Variants in STEAP1B observed in about 807,000 individuals in gnomAD.
The protein encoded by STEAP1B is STEAP family member 1B.
STEAP1B carries 13 observed loss-of-function variants against 27.9 expected under a neutral mutation model. The observed-to-expected ratio is 0.47, with a 90% confidence interval of 0.30 to 0.74. The LOEUF (loss-of-function observed/expected upper bound fraction) is 0.74, where lower values mean the gene tolerates loss of function less well. STEAP1B is among the 30% of genes least tolerant of loss of function. The pLI, the probability that STEAP1B is intolerant of heterozygous loss-of-function variation, is 0.06. For synonymous variants in STEAP1B, 86 were observed against 107.1 expected (o/e 0.80, Z 1.22); for missense variants, 250 against 298.7 (o/e 0.84, Z 1.20).
chr7:22,467,079 G>T (rs1785798524), intron 4 of STEAP1B, among the ~76,000 whole-genome samples: 1 of 152,144 alleles, frequency 6.6e-6, no homozygotes. Flanking sequence ...ATAATTGAAG[G>T]TTGTTCCAAT....
chr7:22,471,825 C>A (rs571296691), intron 4 of STEAP1B, among the ~76,000 whole-genome samples: 1 of 148,542 alleles, frequency 6.7e-6, no homozygotes, highest in Admixed American at 6.8e-5. Flanking sequence ...ATGGCTTGAG[C>A]CTAGGAATTT....
At chr7:22,469,744 A>T (rs1009161306) in intron 4 of STEAP1B, among the ~76,000 whole-genome samples, 1 of 152,198 alleles carries the variant, frequency 6.6e-6, no homozygotes, top group Non-Finnish European at 1.5e-5. Flanking sequence ...GCGTAAGTAC[A>T]CTCTACAATG....
At chr7:22,437,835 C>T (rs561727699) in intron 4 of STEAP1B, among the ~76,000 whole-genome samples, 3 of 152,278 alleles carry the variant, frequency 2.0e-5, no homozygotes, top group East Asian at 1.9e-4. Flanking sequence ...TTTTAATTTG[C>T]GTAACTCTGA....
intron 4 of STEAP1B, among the ~76,000 whole-genome samples, chr7:22,448,669 T>C (rs1785442291): frequency 6.6e-6 from 1 of 152,162 alleles, no homozygotes; most frequent in African/African-American, 2.4e-5. Flanking sequence ...AGGAGAGGTA[T>C]ACTTTTTTTT....
chr7:22,468,532 C>T (rs532012420), intron 4 of STEAP1B, among the ~76,000 whole-genome samples: 15 of 152,294 alleles, frequency 9.8e-5, no homozygotes, highest in Middle Eastern at 3.4e-3. Context: ...ACACTGCCTA[C>T]CATTTATCAC....
At chr7:22,422,086 T>C (rs1373997003) in intron 4 of STEAP1B, among the ~76,000 whole-genome samples, 2 of 152,268 alleles carry the variant, frequency 1.3e-5, no homozygotes, top group Non-Finnish European at 2.9e-5. Flanking sequence ...TATTCTCTTA[T>C]TCAACTGTGT....
At chr7:22,448,198 G>A (rs1785435920) in intron 4 of STEAP1B, among the ~76,000 whole-genome samples, 1 of 152,098 alleles carries the variant, frequency 6.6e-6, no homozygotes, top group Non-Finnish European at 1.5e-5. Flanking sequence ...CCCTTCCCGT[G>A]TTAAAATAGT....
chr7:22,434,183 C>T (rs1785225724), intron 4 of STEAP1B, among the ~76,000 whole-genome samples: 1 of 152,208 alleles, frequency 6.6e-6, no homozygotes, highest in Non-Finnish European at 1.5e-5. Flanking sequence ...AGATAAGCAT[C>T]CCAGGGTTCT....
intron 4 of STEAP1B, among the ~76,000 whole-genome samples, chr7:22,462,303 C>T (rs1785692035): frequency 6.7e-6 from 1 of 148,846 alleles, no homozygotes; most frequent in African/African-American, 2.5e-5. Context: ...CATATGTATA[C>T]ATGTGCCATG....
intron 4 of STEAP1B, among the ~76,000 whole-genome samples, chr7:22,492,117 G>A (rs1167937005): frequency 4.0e-5 from 6 of 151,592 alleles, no homozygotes; most frequent in Admixed American, 2.6e-4. Flanking sequence ...TCAGGAGATC[G>A]AGACCATCCT....
intron 4 of STEAP1B, among the ~76,000 whole-genome samples, chr7:22,465,306 C>A (rs551876323): frequency 2.6e-5 from 4 of 151,992 alleles, no homozygotes; most frequent in African/African-American, 4.8e-5. Flanking sequence ...AGACCATGGT[C>A]GACCTTGGAT....
rs573932365 is a variant in STEAP1B, at chr7:22,438,770, G to C, written c.763-18934C>G. On this transcript the variant is annotated intron_variant, in intron 4 of 4. Transcript: ENST00000678116. ...GTCAGTATAGCCTAGAAAATGAAAAGAAATGATACATTTGGTGCCTGTGTA... is the reference window on the plus strand; with the variant it reads ...GTCAGTATAGCCTAGAAAATGAAAACAAATGATACATTTGGTGCCTGTGTA... 5.2e-5 allele frequency: 80 copies of C among 1,541,898 alleles called. 1 individual carries two copies. In the African/African-American group the frequency reaches 1.0e-3, roughly 20 times the overall value.
intron 4 of STEAP1B, 56 bp downstream of exon 4, chr7:22,492,509 T>C (rs1390457122): frequency 6.6e-7 from 1 of 1,504,932 alleles, no homozygotes; most frequent in Admixed American, 2.2e-5. Context: ...ACATATTCTA[T>C]ATCATAAACA....
At chr7:22,492,046 G>T (rs918815722) in intron 4 of STEAP1B, among the ~76,000 whole-genome samples, 33 of 152,022 alleles carry the variant, frequency 2.2e-4, no homozygotes, top group African/African-American at 8.0e-4. Context: ...GGTAGGCCGG[G>T]CGCGGTGGCT....
At chr7:22,489,170 T>C (rs1786275125) in intron 4 of STEAP1B, among the ~76,000 whole-genome samples, 1 of 152,232 alleles carries the variant, frequency 6.6e-6, no homozygotes, top group African/African-American at 2.4e-5. Flanking sequence ...ACCTAGGGTC[T>C]GTCCTCCTAT....
chr7:22,480,475 C>A (rs1048320334), intron 4 of STEAP1B, among the ~76,000 whole-genome samples: 1 of 152,156 alleles, frequency 6.6e-6, no homozygotes, highest in African/African-American at 2.4e-5. Flanking sequence ...TGCCCGGCTG[C>A]CAAGATGGAT....
chr7:22,438,611 T>C lies in STEAP1B; in HGVS notation c.763-18775A>G, dbSNP rs1438406056. Reference sequence around the variant, plus strand: ...CTGGCTGCTGATAAAATGAAGTATATATAACTCCTAGTCTTGGAAGGTGGT... The same window carrying C: ...CTGGCTGCTGATAAAATGAAGTATACATAACTCCTAGTCTTGGAAGGTGGT... On this transcript the variant is annotated intron_variant, in intron 4 of 4. Transcript: ENST00000678116. 6 of 1,552,122 alleles carry C rather than the reference T, an allele frequency of 3.9e-6. No homozygotes were observed. In the East Asian group the frequency reaches 1.5e-4, roughly 38 times the overall value.
chr7:22,479,145 T>A (rs1786022876), intron 4 of STEAP1B, among the ~76,000 whole-genome samples: 1 of 152,222 alleles, frequency 6.6e-6, no homozygotes, highest in East Asian at 1.9e-4. Flanking sequence ...AAGTCATCCA[T>A]CCTACATTAT....
At chr7:22,457,435 T>C (rs1785605990) in intron 4 of STEAP1B, among the ~76,000 whole-genome samples, 2 of 152,188 alleles carry the variant, frequency 1.3e-5, no homozygotes, top group African/African-American at 4.8e-5. Flanking sequence ...GGTGAAGCCA[T>C]TGTAGTAATT....
Sources: gnomAD v4.1 joint callset for allele counts (sites outside exome capture counted in the v4.1 genomes callset) on GRCh38, gnomAD v4.1.1 for gene constraint, MANE v1.5 for transcripts, NCBI Gene and HGNC (gene_info 2026-07-23, HGNC 2026-07-21) for gene names.